The following TMEM245 variants were observed in gnomAD, a reference collection of about 807,000 sequenced individuals.
TMEM245 encodes transmembrane protein 245, also known as protein CG-2.
A neutral mutation model predicts 101.2 loss-of-function variants in TMEM245; 69 were observed. That is an observed-to-expected ratio of 0.68 (90% CI 0.56 to 0.83). TMEM245 has a LOEUF of 0.83. Ranked by LOEUF, TMEM245 falls within the 40% of genes least tolerant of loss-of-function variation. The pLI is 0.00. For missense variants in TMEM245, 1,075 were observed against 1,092.8 expected (o/e 0.98, Z 0.23); for synonymous variants, 537 against 449.8 (o/e 1.19, Z -2.45).
At chr9:109,084,698 T>C (rs1829782990) in intron 7 of TMEM245, among the ~76,000 whole-genome samples, 1 of 152,154 alleles carries the variant, frequency 6.6e-6, no homozygotes, top group Non-Finnish European at 1.5e-5. Flanking sequence ...TTAGAACAAA[T>C]AAAAATTTTT....
chr9:109,048,448 C>G (rs1564178539), intron 14 of TMEM245, among the ~76,000 whole-genome samples: 1 of 151,018 alleles, frequency 6.6e-6, no homozygotes, highest in Non-Finnish European at 1.5e-5. Context: ...AAAAAAAAAT[C>G]AAGATTTCTG....
intron 5 of TMEM245, among the ~76,000 whole-genome samples, chr9:109,090,519 G>A (rs988707006): frequency 5.3e-5 from 8 of 151,856 alleles, no homozygotes; most frequent in Non-Finnish European, 8.8e-5. Context: ...TCAGGAGATC[G>A]AGACTATCCT....
intron 10 of TMEM245, among the ~76,000 whole-genome samples, chr9:109,064,045 A>G (rs1459960906): frequency 1.3e-5 from 2 of 152,248 alleles, no homozygotes; most frequent in East Asian, 3.8e-4. Flanking sequence ...CTCATCTGCA[A>G]AGCAGGCAAA....
intron 14 of TMEM245, among the ~76,000 whole-genome samples, chr9:109,049,604 A>T (rs962368003): frequency 6.6e-6 from 1 of 152,138 alleles, no homozygotes; most frequent in Non-Finnish European, 1.5e-5. Context: ...AGGCAGGCAG[A>T]TCACTTAAGG....
chr9:109,021,794 C>T (rs1385522708), intron 17 of TMEM245, among the ~76,000 whole-genome samples: 1 of 152,046 alleles, frequency 6.6e-6, no homozygotes, highest in East Asian at 1.9e-4. Flanking sequence ...CAAAATGAGA[C>T]CCTGCACCAC....
chr9:109,071,611 A>AG, intron 9 of TMEM245, among the ~76,000 whole-genome samples: 1 of 152,076 alleles, frequency 6.6e-6, no homozygotes, highest in Admixed American at 6.5e-5. Flanking sequence ...CTCAAAAAAA[A>AG]AAAAAAAATT....
At chr9:109,084,991 T>A (rs919315428) in intron 7 of TMEM245, among the ~76,000 whole-genome samples, 14 of 152,226 alleles carry the variant, frequency 9.2e-5, no homozygotes, top group African/African-American at 3.1e-4. Flanking sequence ...AAGTACTACA[T>A]CTTTCTTAAG....
At chr9:109,083,013 C>G (rs1254353737) in intron 7 of TMEM245, among the ~76,000 whole-genome samples, 2 of 150,738 alleles carry the variant, frequency 1.3e-5, no homozygotes, top group African/African-American at 4.9e-5. Flanking sequence ...TAGCTGAGAA[C>G]AGGACAAGAA....
At chr9:109,076,971 G>A (rs577659939) in intron 8 of TMEM245, among the ~76,000 whole-genome samples, 6 of 152,132 alleles carry the variant, frequency 3.9e-5, no homozygotes, top group African/African-American at 1.2e-4. Flanking sequence ...TGAGATAACA[G>A]GTGTGTACCA....
At chr9:109,073,856 GTTTTTTTTTTT>G (rs904054098) in intron 8 of TMEM245, among the ~76,000 whole-genome samples, 7 of 119,818 alleles carry the variant, frequency 5.8e-5, no homozygotes, top group African/African-American at 2.3e-4. Flanking sequence ...TTTTTTTTTT[GTTTTTTTTTTT>G]TTTTTTTTAG....
chr9:109,119,210 G>T, intron 1 of TMEM245, 125 bp downstream of exon 1: 1 of 876,372 alleles, frequency 1.1e-6, no homozygotes, highest in East Asian at 3.3e-5. Flanking sequence ...AAGCGGAGAC[G>T]GACGGTCACT....
Position 109,086,009 on chromosome 9 carries a change from C to G in TMEM245, c.1332G>C (p.Trp444Cys). Residue 444 changes from tryptophan to cysteine, a missense_variant, in exon 7 of 18, where the codon TGG becomes TGC. Transcript: ENST00000374586. Reference sequence around the variant, plus strand: ...GGTGTTCATTTACCTTCTTATTTAGCCAGTGCCAGAGCTTGAGGATAGGGG... The same window carrying G: ...GGTGTTCATTTACCTTCTTATTTAGGCAGTGCCAGAGCTTGAGGATAGGGG... ...LLKVDSKLWH[W>C]LNKKMIIWLE... 1 of 1,613,820 alleles carries G rather than the reference C, an allele frequency of 6.2e-7. No homozygotes were observed. Among genetic ancestry groups the G allele is most frequent in the Middle Eastern group, 1.7e-4 (1 of 6,060 alleles).
intron 17 of TMEM245, among the ~76,000 whole-genome samples, chr9:109,032,823 TTTTTA>T (rs1426564446): frequency 2.0e-5 from 3 of 149,622 alleles, no homozygotes; most frequent in Admixed American, 6.6e-5. Flanking sequence ...TTTTTTTTTT[TTTTTA>T]TATGCTGTTG....
chr9:109,040,602 TATTAA>T (rs1828273006), intron 14 of TMEM245, among the ~76,000 whole-genome samples: 1 of 152,218 alleles, frequency 6.6e-6, no homozygotes, highest in South Asian at 2.1e-4. Context: ...TATAGCTTTG[TATTAA>T]ATTGTGGCAA....
chr9:109,021,329 G>T (rs781210549), intron 17 of TMEM245, among the ~76,000 whole-genome samples: 131 of 152,304 alleles, frequency 8.6e-4, no homozygotes, highest in Non-Finnish European at 1.4e-3. Context: ...CACCAAGGCT[G>T]GCAGTACATC....
At position 109,108,434 on chromosome 9, in the gene TMEM245, A is replaced by C; in HGVS notation, c.697+19T>G. On this transcript the variant is annotated intron_variant, in intron 2 of 17. Transcript: ENST00000374586. ...TAGGCTAGACTTAAAAAAAAAAAAA[A>C]AAAAAAGAAGGAACCCACCTAAATG... is the stretch of plus-strand genomic sequence containing the variant. 1 of 1,423,186 alleles carries C rather than the reference A, an allele frequency of 7.0e-7. No individual in the cohort carries two copies. Among genetic ancestry groups the C allele is most frequent in the Non-Finnish European group, 9.4e-7 (1 of 1,059,370 alleles). The allele number at this position is 1,423,186 out of a possible 1,614,324, so 88.2% of individuals were successfully genotyped here. A position where few individuals can be genotyped will look rare whatever the true frequency, so the allele number is the denominator to read the frequency against.
chr9:109,110,595 T>C (rs755942633), intron 1 of TMEM245, among the ~76,000 whole-genome samples: 6 of 151,944 alleles, frequency 3.9e-5, no homozygotes, highest in Non-Finnish European at 7.4e-5. Context: ...AGTAAATGGA[T>C]AGTCTTCAGA....
In TMEM245 at chr9:109,020,399, C is replaced by G; in HGVS notation, c.*61G>C. ...CAGCTGGAAGGGCAGAGGGCCACAG[C>G]TGAGCTGAACTCGCTGTCAAATTTG... On this transcript the variant is annotated 3_prime_UTR_variant, in exon 18 of 18. Transcript: ENST00000374586. 1.3e-6 allele frequency: 2 copies of G among 1,551,592 alleles called. No homozygotes were observed. The highest frequency in any genetic ancestry group is 1.8e-6 in the Non-Finnish European group (2 of 1,123,072).
chr9:109,032,454 G>C (rs540141245), intron 17 of TMEM245, among the ~76,000 whole-genome samples: 1 of 126,108 alleles, frequency 7.9e-6, no homozygotes, highest in Non-Finnish European at 1.6e-5. Context: ...GCATGATCTC[G>C]GATCACTGCA....
Sources: allele counts gnomAD v4.1 joint callset (sites outside exome capture counted in the v4.1 genomes callset), GRCh38; gene constraint gnomAD v4.1.1; transcripts MANE v1.5; gene names NCBI Gene and HGNC (gene_info 2026-07-23, HGNC 2026-07-21).